The following PSMD1 variants were observed in gnomAD, a reference collection of about 807,000 sequenced individuals.
The protein encoded by PSMD1 is 26S proteasome non-ATPase regulatory subunit 1.
A neutral mutation model predicts 119.0 loss-of-function variants in PSMD1; 18 were observed. That is an observed-to-expected ratio of 0.15 (90% CI 0.10 to 0.22). The LOEUF is 0.22. Ranked by LOEUF, PSMD1 falls within the 10% of genes least tolerant of loss-of-function variation. The pLI is 1.00. For synonymous variants in PSMD1, 374 were observed against 396.6 expected, an observed-to-expected ratio of 0.94 and a Z score of 0.68; for missense variants, 702 against 1,158.5, an observed-to-expected ratio of 0.61 and a Z score of 5.72.
intron 16 of PSMD1, among the ~76,000 whole-genome samples, chr2:231,088,661 A>G (rs955807282): frequency 2.6e-5 from 4 of 152,172 alleles, no homozygotes; most frequent in Non-Finnish European, 5.9e-5. Flanking sequence ...ACTGCTCCAC[A>G]CACCGATCAT....
chr2:231,087,070 A>G, intron 15 of PSMD1, 47 bp from the exon 16 acceptor site: 4 of 1,522,228 alleles, frequency 2.6e-6, no homozygotes, highest in Middle Eastern at 3.4e-4. Flanking sequence ...AGTTTGGTCT[A>G]GTGGTAGACT....
At chr2:231,099,679 C>T (rs1273511860) in intron 16 of PSMD1, among the ~76,000 whole-genome samples, 5 of 152,052 alleles carry the variant, frequency 3.3e-5, no homozygotes, top group Non-Finnish European at 5.9e-5. Flanking sequence ...GCTCAATTTC[C>T]CCACTGGAAA....
chr2:231,071,975 A>G (rs1003972470), intron 6 of PSMD1, among the ~76,000 whole-genome samples: 3 of 152,156 alleles, frequency 2.0e-5, no homozygotes, highest in African/African-American at 7.2e-5. Context: ...TTATAAATAT[A>G]ATTTGTATGA....
Position 231,083,701 on chromosome 2 carries a change from T to C in PSMD1, c.1660T>C (p.Leu554=), listed in dbSNP as rs1180540664. The part of the protein sequence containing the change: ...ILRGLAVGIA[L]VMYGRMEEAD... ...GCGTGGTCTTGCAGTTGGCATAGCT[T>C]TAGTAATGTATGGGAGGATGGAAGA... The change falls in exon 14 of 25, where the codon TTA becomes CTA. Residue 554 remains leucine (L), a synonymous_variant. Coordinates refer to ENST00000308696, the MANE Select transcript of PSMD1 (RefSeq NM_002807.4). 2 of 1,614,136 alleles carry C rather than the reference T, an allele frequency of 1.2e-6. No homozygotes were observed. Among genetic ancestry groups the C allele is most frequent in the Non-Finnish European group, 1.7e-6 (2 of 1,180,028 alleles).
intron 14 of PSMD1, among the ~76,000 whole-genome samples, chr2:231,084,368 AT>A (rs1353366852): frequency 6.6e-6 from 1 of 151,916 alleles, no homozygotes; most frequent in African/African-American, 2.4e-5. Context: ...ATATATATAT[AT>A]ATTTTTGGAA....
chr2:231,060,709 A>G (rs972237576), intron 1 of PSMD1, among the ~76,000 whole-genome samples: 7 of 152,252 alleles, frequency 4.6e-5, no homozygotes, highest in Admixed American at 1.3e-4. Context: ...GATAGGAAAG[A>G]GGTGCCATAA....
chr2:231,062,289 C>T lies in PSMD1; in HGVS notation c.102C>T (p.Phe34=), dbSNP rs772854457. ...LHKLNAVVND[F]WAEISESVDK... ...AATTGAATGCAGTTGTTAATGACTT[C>T]TGGGCAGAAATTTCCGAGTCCGTAG... The change falls in exon 3 of 25, where the codon TTC becomes TTT. Residue 34 remains phenylalanine, a synonymous_variant. Coordinates refer to ENST00000308696, the MANE Select transcript of PSMD1 (RefSeq NM_002807.4). 17 of 1,613,078 alleles carry T rather than the reference C, an allele frequency of 1.1e-5. No individual in the cohort carries two copies. The Admixed American group carries it at 2.8e-4, about 27-fold the overall frequency.
chr2:231,101,592 A>C lies in PSMD1; in HGVS notation c.1883+14411A>C, dbSNP rs148778590. ...ATTCTGTTGTGGGTAGAATAGCATC[A>C]AACAGCATCTTATGCTACAGAGAAA... is the stretch of plus-strand genomic sequence containing the variant. On this transcript the variant is annotated intron_variant, in intron 16 of 24. Transcript: ENST00000308696. 8.8e-4 allele frequency among the ~76,000 whole-genome samples: 134 copies of C among 152,334 alleles called. 1 individual carries two copies. Among genetic ancestry groups the C allele is most frequent in the African/African-American group, 3.0e-3 (124 of 41,574 alleles).
At chr2:231,072,482 A>G in intron 7 of PSMD1, 67 bp downstream of exon 7, 4 of 1,385,178 alleles carry the variant, frequency 2.9e-6, no homozygotes, top group Non-Finnish European at 4.1e-6. Flanking sequence ...GGACAGGTAG[A>G]ATATTTATAG....
At chr2:231,157,593 G>A (rs1225599172) in intron 19 of PSMD1, among the ~76,000 whole-genome samples, 1 of 149,716 alleles carries the variant, frequency 6.7e-6, no homozygotes, top group Admixed American at 6.6e-5. Flanking sequence ...TTTTGGGGGG[G>A]GCCAATTCTG....
chr2:231,171,549 A>AT (rs568576394), intron 24 of PSMD1, among the ~76,000 whole-genome samples: 15,516 of 117,088 alleles, frequency 0.13, 1,069 homozygotes, highest in South Asian at 0.19. Context: ...TTTTCAGACA[A>AT]TTTTTTTTTT....
chr2:231,126,135 G>T (rs59342165), intron 16 of PSMD1, among the ~76,000 whole-genome samples: 1,570 of 152,252 alleles, frequency 0.01, 24 homozygotes, highest in African/African-American at 0.035. Flanking sequence ...AGGTGCGGTG[G>T]CTCATTCCTG....
chr2:231,078,789 T>TTA, intron 10 of PSMD1, 42 bp downstream of exon 10: 78 of 1,196,948 alleles, frequency 6.5e-5, no homozygotes, highest in Non-Finnish European at 8.5e-5. Flanking sequence ...CAAAATCTTT[T>TTA]TCTTTTTTTT....
intron 16 of PSMD1, among the ~76,000 whole-genome samples, chr2:231,137,010 TTG>T (rs990132589): frequency 2.8e-5 from 4 of 145,062 alleles, no homozygotes; most frequent in Non-Finnish European, 6.0e-5. Flanking sequence ...ATAATATATA[TTG>T]TGTTATATAT....
rs1693605018 is a variant in PSMD1, at chr2:231,056,920, A to G, written c.-106A>G. 3 of 1,403,296 alleles carry G rather than the reference A, an allele frequency of 2.1e-6. No homozygotes were observed. Among genetic ancestry groups the G allele is most frequent in the Non-Finnish European group, 2.9e-6 (3 of 1,028,424 alleles). The allele number at this position is 1,403,296 out of a possible 1,614,324, so 86.9% of individuals were successfully genotyped here. A position where few individuals can be genotyped will look rare whatever the true frequency, so the allele number is the denominator to read the frequency against. ...GAGGAGGCGACTGACTGAGCAGCGC[A>G]CCCGGGGAGCAAGGAGGCGCGGTGA... On this transcript the variant is annotated 5_prime_UTR_variant, in exon 1 of 25. Transcript: ENST00000308696.
chr2:231,108,448 T>G (rs1209617947), intron 16 of PSMD1: 2 of 1,120,650 alleles, frequency 1.8e-6, no homozygotes, highest in African/African-American at 3.1e-5. Flanking sequence ...ATATAATATA[T>G]TCTTGGCACA....
chr2:231,137,892 A>G (rs757365347), intron 16 of PSMD1, among the ~76,000 whole-genome samples: 9 of 152,352 alleles, frequency 5.9e-5, no homozygotes, highest in South Asian at 4.1e-4. Flanking sequence ...CTGCAAAAAA[A>G]TCTTTTTATT....
chr2:231,089,594 G>GAT (rs140932102), intron 16 of PSMD1, among the ~76,000 whole-genome samples: 7,164 of 142,700 alleles, frequency 0.05, 175 homozygotes, highest in Middle Eastern at 0.07. Flanking sequence ...GAATTAATAG[G>GAT]ATATATATAT....
chr2:231,080,457 TA>T, intron 12 of PSMD1, 143 bp downstream of exon 12: 1 of 672,922 alleles, frequency 1.5e-6, no homozygotes, highest in Non-Finnish European at 2.4e-6. Flanking sequence ...TTTTTTTAGG[TA>T]ATTTCATTTC....
Sources: allele counts gnomAD v4.1 joint callset (sites outside exome capture counted in the v4.1 genomes callset), GRCh38; gene constraint gnomAD v4.1.1; transcripts MANE v1.5; gene names NCBI Gene and HGNC (gene_info 2026-07-23, HGNC 2026-07-21).